The following SF3A3 variants were observed in gnomAD, a reference collection of about 807,000 sequenced individuals.
SF3A3 encodes splicing factor 3a subunit 3.
A neutral mutation model predicts 85.8 loss-of-function variants in SF3A3; 9 were observed. The observed-to-expected ratio is 0.10, with a 90% CI of 0.06 to 0.18. The LOEUF is 0.18. Ranked by LOEUF, SF3A3 falls within the 10% of genes least tolerant of loss-of-function variation. The probability of loss-of-function intolerance (pLI) is 1.00; values close to 1 mark genes in which losing one functional copy is unlikely to be tolerated. For missense variants in SF3A3, 306 were observed against 593.3 expected, an observed-to-expected ratio of 0.52 and a Z score of 5.03; for synonymous variants, 195 against 204.4, an observed-to-expected ratio of 0.95 and a Z score of 0.39.
intron 15 of SF3A3, among the ~76,000 whole-genome samples, chr1:37,967,012 G>A (rs1173306520): frequency 7.2e-6 from 1 of 139,154 alleles, no homozygotes; most frequent in Non-Finnish European, 1.5e-5. Flanking sequence ...CACTTTGGGA[G>A]GCCAACATGG....
intron 12 of SF3A3, among the ~76,000 whole-genome samples, chr1:37,976,466 T>C (rs530502567): frequency 2.6e-5 from 4 of 152,322 alleles, no homozygotes; most frequent in Non-Finnish European, 5.9e-5. Context: ...CTTATGAACA[T>C]GTAAGTTGAC....
chr1:37,977,030 A>G (rs940858126), intron 11 of SF3A3, 77 bp from the exon 12 acceptor site: 54 of 957,486 alleles, frequency 5.6e-5, no homozygotes, highest in Middle Eastern at 4.2e-4. Flanking sequence ...GGGAACATTT[A>G]TTGCACAACT....
chr1:37,968,674 G>C (rs560762246), intron 14 of SF3A3, among the ~76,000 whole-genome samples: 55 of 152,278 alleles, frequency 3.6e-4, no homozygotes, highest in South Asian at 6.2e-4. Context: ...AATCATTGTA[G>C]GAGGTGCTGA....
chr1:37,980,880 G>A (rs894722415), intron 7 of SF3A3, 156 bp from the exon 8 acceptor site: 27 of 464,342 alleles, frequency 5.8e-5, no homozygotes, highest in African/African-American at 3.1e-4. Flanking sequence ...GCAGAGTTTC[G>A]CTCCTCTTAC....
At chr1:37,973,249 A>C (rs918755126) in intron 12 of SF3A3, among the ~76,000 whole-genome samples, 1 of 152,206 alleles carries the variant, frequency 6.6e-6, no homozygotes. Flanking sequence ...AAACCCTAGA[A>C]GAAAACCTAG....
chr1:37,967,677 C>CAA lies in SF3A3; in HGVS notation c.1372+365_1372+366dup, dbSNP rs34369006. ...TGGGCGACAGAGTGAGACTCCGTCA[C>CAA]AAAAAAAAAAAAAAAAAAAAAAAAA... On this transcript the variant is annotated intron_variant, in intron 15 of 16. Coordinates refer to ENST00000373019, the MANE Select transcript of SF3A3 (RefSeq NM_006802.4). 1.9e-3 allele frequency among the ~76,000 whole-genome samples: 83 copies of CAA among 44,268 alleles called. 5 individuals carry two copies. Among genetic ancestry groups the CAA allele is most frequent in the African/African-American group, 5.6e-3 (60 of 10,782 alleles). The allele number at this position is 44,268 out of a possible 152,430, so 29.0% of individuals were successfully genotyped here. A position where few individuals can be genotyped will look rare whatever the true frequency, so the allele number is the denominator to read the frequency against.
At chr1:37,981,066 C>T (rs193012268) in intron 7 of SF3A3, among the ~76,000 whole-genome samples, 5 of 152,018 alleles carry the variant, frequency 3.3e-5, no homozygotes, top group African/African-American at 1.2e-4. Flanking sequence ...TCAGGCTGGT[C>T]GCGAACTCCT....
At chr1:37,959,100 G>T (rs1646239327) in intron 16 of SF3A3, among the ~76,000 whole-genome samples, 3 of 149,562 alleles carry the variant, frequency 2.0e-5, no homozygotes, top group South Asian at 2.1e-4. Flanking sequence ...TTTTTGTGAG[G>T]TAAGTTCTTG....
chr1:37,968,145 A>G lies in SF3A3; in HGVS notation c.1282-11T>C. 1 of 1,569,180 alleles carries G rather than the reference A, an allele frequency of 6.4e-7. No individual in the cohort carries two copies. Among genetic ancestry groups the G allele is most frequent in the Non-Finnish European group, 8.8e-7 (1 of 1,139,452 alleles). On this transcript the variant is annotated splice_polypyrimidine_tract_variant and intron_variant, in intron 14 of 16. Transcript: ENST00000373019. ...AGCATGACGCCATTCCTGGGAGAAG[A>G]GAGAAGCAAAAGGATCATGTGAAAT...
At chr1:37,987,359 G>A (rs1178851177) in intron 4 of SF3A3, among the ~76,000 whole-genome samples, 10 of 152,182 alleles carry the variant, frequency 6.6e-5, no homozygotes, top group Non-Finnish European at 1.3e-4. Context: ...GATTACAGGC[G>A]TGAGCCACCG....
chr1:37,972,000 C>T (rs1284079456), intron 12 of SF3A3, among the ~76,000 whole-genome samples: 9 of 152,086 alleles, frequency 5.9e-5, no homozygotes, highest in South Asian at 2.1e-4. Flanking sequence ...TTGGAAGTTC[C>T]GGCCAGGGCA....
intron 16 of SF3A3, among the ~76,000 whole-genome samples, chr1:37,958,768 A>G (rs988662758): frequency 6.6e-6 from 1 of 152,192 alleles, no homozygotes; most frequent in African/African-American, 2.4e-5. Context: ...TTTGCTGCCA[A>G]AAAGAAAAAA....
intron 4 of SF3A3, among the ~76,000 whole-genome samples, chr1:37,987,101 A>T (rs572569524): frequency 1.3e-5 from 2 of 152,102 alleles, no homozygotes; most frequent in South Asian, 4.2e-4. Context: ...TTTTTGAGAC[A>T]AAGTCTCACT....
chr1:37,974,707 G>A (rs192182585), intron 12 of SF3A3, among the ~76,000 whole-genome samples: 19 of 152,242 alleles, frequency 1.2e-4, no homozygotes, highest in Admixed American at 1.0e-3. Flanking sequence ...GTAGTGGCAC[G>A]CTATCCTACT....
chr1:37,982,299 G>A (rs76428509), intron 6 of SF3A3, among the ~76,000 whole-genome samples: 2 of 152,258 alleles, frequency 1.3e-5, no homozygotes, highest in African/African-American at 2.4e-5. Flanking sequence ...ACAATTCCAT[G>A]AGGAATCTAA....
intron 6 of SF3A3, 142 bp downstream of exon 6, chr1:37,984,027 G>A: frequency 4.0e-6 from 2 of 501,196 alleles, no homozygotes; most frequent in Non-Finnish European, 3.6e-6. Context: ...TTCCAAGAGA[G>A]CATATCACCT....
At position 37,987,456 on chromosome 1, in the gene SF3A3, A is replaced by T; in HGVS notation, c.303+117T>A. On this transcript the variant is annotated intron_variant, in intron 4 of 16. Transcript: ENST00000373019. ...TCAGCTAACTATGGTCCTTGCAGCT[A>T]AATGGCAAGTTCTTTCTTGAAGTGC... 5 of 742,090 alleles carry T rather than the reference A, an allele frequency of 6.7e-6. No homozygotes were observed. In the South Asian group the frequency reaches 8.4e-5, roughly 12 times the overall value. The allele number at this position is 742,090 out of a possible 1,614,324, so 46.0% of individuals were successfully genotyped here. A position where few individuals can be genotyped will look rare whatever the true frequency, so the allele number is the denominator to read the frequency against.
intron 16 of SF3A3, 58 bp from the exon 17 acceptor site, chr1:37,958,321 C>G: frequency 8.1e-7 from 1 of 1,230,594 alleles, no homozygotes; most frequent in Non-Finnish European, 1.2e-6. Context: ...TGTTTGGAAC[C>G]AATCTCTAAG....
chr1:37,967,905 T>C, intron 15 of SF3A3, 139 bp downstream of exon 15: 1 of 650,012 alleles, frequency 1.5e-6, no homozygotes. Context: ...AGAAATGCAA[T>C]AATTATACAA....
Sources: gnomAD v4.1 joint callset for allele counts (sites outside exome capture counted in the v4.1 genomes callset) on GRCh38, gnomAD v4.1.1 for gene constraint, MANE v1.5 for transcripts, NCBI Gene and HGNC (gene_info 2026-07-23, HGNC 2026-07-21) for gene names.